EP400: variants seen among roughly 807,000 people sequenced by gnomAD.
EP400 encodes the protein E1A binding protein p400.
A neutral mutation model predicts 354.1 loss-of-function variants in EP400; 105 were observed. The observed-to-expected ratio is 0.30, with a 90% CI of 0.25 to 0.35. The LOEUF is 0.35. Ranked by LOEUF, EP400 falls within the 10% of genes least tolerant of loss-of-function variation. The probability of loss-of-function intolerance (pLI) is 1.00; values close to 1 mark genes in which losing one functional copy is unlikely to be tolerated. For missense variants in EP400, 3,280 were observed against 4,121.0 expected (o/e 0.80, Z 5.59); for synonymous variants, 1,646 against 1,716.9 (o/e 0.96, Z 1.02).
intron 47 of EP400, among the ~76,000 whole-genome samples, chr12:132,063,241 A>G (rs1593384111): frequency 6.6e-6 from 1 of 152,344 alleles, no homozygotes; most frequent in Non-Finnish European, 1.5e-5. Flanking sequence ...GGCCGGACAC[A>G]GTGGCTCACG....
intron 11 of EP400, among the ~76,000 whole-genome samples, chr12:131,993,642 G>A (rs1313618886): frequency 6.6e-6 from 1 of 152,194 alleles, no homozygotes; most frequent in Non-Finnish European, 1.5e-5. Flanking sequence ...TTGTTGTTAT[G>A]TGAACGTACA....
At chr12:132,065,355 G>GC in intron 48 of EP400, 2 of 165,348 alleles carry the variant, frequency 1.2e-5, no homozygotes, top group Admixed American at 5.6e-5. Context: ...GTGCTGTCTG[G>GC]GAAGACTGGC....
chr12:132,077,670 G>A lies in EP400; in HGVS notation c.9369G>A (p.Gln3123=). 3 of 1,605,524 alleles carry A rather than the reference G, an allele frequency of 1.9e-6. No homozygotes were observed. The highest frequency in any genetic ancestry group is 2.6e-6 in the Non-Finnish European group (3 of 1,175,394). ...RLKTPTKPPC[Q] ...AGACACCTACTAAGCCTCCGTGCCAGTAGTCAGGGCAGCAGGGCTGCCTCT... is the reference window on the plus strand; with the variant it reads ...AGACACCTACTAAGCCTCCGTGCCAATAGTCAGGGCAGCAGGGCTGCCTCT... Residue 3123 remains glutamine, a synonymous_variant, in exon 53 of 53, where the codon CAG becomes CAA. Transcript: ENST00000389561.
At chr12:132,016,296 A>G (rs548273344) in intron 19 of EP400, among the ~76,000 whole-genome samples, 1 of 152,032 alleles carries the variant, frequency 6.6e-6, no homozygotes, top group African/African-American at 2.4e-5. Context: ...CTCACGCATC[A>G]AGGCCTAGCT....
At chr12:131,982,873 G>A (rs1310849904) in intron 5 of EP400, among the ~76,000 whole-genome samples, 1 of 151,882 alleles carries the variant, frequency 6.6e-6, no homozygotes, top group Non-Finnish European at 1.5e-5. Flanking sequence ...CAAAGGCTTA[G>A]GCAGGAGAAT....
chr12:131,952,096 T>G (rs557722350), intron 1 of EP400, among the ~76,000 whole-genome samples: 160 of 151,904 alleles, frequency 1.1e-3, no homozygotes, highest in African/African-American at 3.7e-3. Context: ...CCTTTTTTTT[T>G]GTATTTTTAG....
chr12:131,971,209 A>T (rs538664921), intron 2 of EP400, among the ~76,000 whole-genome samples: 20 of 152,304 alleles, frequency 1.3e-4, no homozygotes, highest in Non-Finnish European at 2.6e-4. Context: ...GTCTCTTAAA[A>T]AAAAAAGATT....
At chr12:131,960,486 G>A (rs1436992731) in intron 1 of EP400, 99 bp from the exon 2 acceptor site, 3 of 1,155,344 alleles carry the variant, frequency 2.6e-6, no homozygotes, top group African/African-American at 1.6e-5. Context: ...ATCAGATGCG[G>A]TGGGAATGTA....
Sources: allele counts gnomAD v4.1 joint callset (sites outside exome capture counted in the v4.1 genomes callset), GRCh38; gene constraint gnomAD v4.1.1; transcripts MANE v1.5; gene names NCBI Gene and HGNC (gene_info 2026-07-23, HGNC 2026-07-21).